Variants in FGF13 observed in about 807,000 individuals in gnomAD.
FGF13 encodes the protein fibroblast growth factor 13.
Under a neutral mutation model 19.5 loss-of-function variants are expected in FGF13, and 2 were observed. That is an observed-to-expected ratio of 0.10 (90% CI 0.04 to 0.32). FGF13 has a LOEUF of 0.32. FGF13 is among the 10% of genes least tolerant of loss of function. The pLI, the probability that FGF13 is intolerant of heterozygous loss-of-function variation, is 1.00. For synonymous variants in FGF13, 72 were observed against 76.9 expected, an observed-to-expected ratio of 0.94 and a Z score of 0.33; for missense variants, 113 against 192.7, an observed-to-expected ratio of 0.59 and a Z score of 2.45.
intron 1 of FGF13, among the ~76,000 whole-genome samples, chrX:139,101,073 A>T (rs968012872): frequency 1.1e-4 from 12 of 111,377 alleles, no homozygotes; most frequent in African/African-American, 3.9e-4. Context: ...ACTTATGCCC[A>T]TTTAAATTGA....
At chrX:139,081,861 T>C (rs1237029445) in intron 1 of FGF13, among the ~76,000 whole-genome samples, 1 of 111,472 alleles carries the variant, frequency 9.0e-6, no homozygotes, top group Non-Finnish European at 1.9e-5. Flanking sequence ...TGCCTAGATT[T>C]CTATAATAAT....
chrX:138,811,685 G>T (rs921225859), intron 3 of FGF13, among the ~76,000 whole-genome samples: 9 of 110,911 alleles, frequency 8.1e-5, no homozygotes, highest in Admixed American at 1.9e-4. Flanking sequence ...AATTAACTGT[G>T]TAGCTCTATG....
intron 3 of FGF13, among the ~76,000 whole-genome samples, chrX:138,665,083 G>A (rs1372103241): frequency 9.0e-6 from 1 of 110,714 alleles, no homozygotes; most frequent in East Asian, 2.9e-4. Flanking sequence ...TCCCTTCATA[G>A]TCTTCTACCC....
At chrX:139,138,960 C>T (rs2083821182) in intron 1 of FGF13, among the ~76,000 whole-genome samples, 1 of 97,696 alleles carries the variant, frequency 1.0e-5, no homozygotes, top group Admixed American at 1.2e-4. Context: ...ATAAGAGTCT[C>T]ACTCTGTTGC....
At chrX:138,703,739 AG>A (rs778964893) in intron 2 of FGF13, among the ~76,000 whole-genome samples, 50 of 112,276 alleles carry the variant, frequency 4.5e-4, no homozygotes, top group Middle Eastern at 4.7e-3. Flanking sequence ...TTTGAGACAG[AG>A]TTTCGCTCTT....
At chrX:138,897,676 C>T (rs2091511249) in intron 1 of FGF13, among the ~76,000 whole-genome samples, 1 of 111,516 alleles carries the variant, frequency 9.0e-6, no homozygotes, top group Non-Finnish European at 1.9e-5. Flanking sequence ...GCTGGGCACA[C>T]TTGCTGATTA....
At chrX:138,875,247 A>C (rs1602986049) in intron 1 of FGF13, among the ~76,000 whole-genome samples, 1 of 109,116 alleles carries the variant, frequency 9.2e-6, no homozygotes, top group Non-Finnish European at 1.9e-5. Context: ...AAAAAAAAAA[A>C]ACAGAAAAGA....
intron 1 of FGF13, among the ~76,000 whole-genome samples, chrX:139,128,311 C>T (rs774154644): frequency 9.0e-6 from 1 of 111,520 alleles, no homozygotes; most frequent in Non-Finnish European, 1.9e-5. Context: ...TTATTCTTTC[C>T]TAATCTCTAA....
At chrX:138,665,351 A>C (rs1335611314) in intron 3 of FGF13, among the ~76,000 whole-genome samples, 3 of 111,452 alleles carry the variant, frequency 2.7e-5, no homozygotes, top group Non-Finnish European at 5.7e-5. Flanking sequence ...TGTGTAATTA[A>C]GTTACTTTAA....
chrX:138,738,094 G>T (rs781725610), intron 1 of FGF13, among the ~76,000 whole-genome samples: 107 of 111,784 alleles, frequency 9.6e-4, no homozygotes, highest in Non-Finnish European at 1.7e-3. Flanking sequence ...ATCTCCATTT[G>T]GGGATGCTCT....
chrX:139,147,372 A>G (rs2083899686), intron 1 of FGF13, among the ~76,000 whole-genome samples: 1 of 110,721 alleles, frequency 9.0e-6, no homozygotes, highest in Admixed American at 9.6e-5. Flanking sequence ...CAAGGCCTAC[A>G]CTTAAGCCAC....
At chrX:138,948,803 A>G (rs1047244866) in intron 1 of FGF13, among the ~76,000 whole-genome samples, 1 of 112,090 alleles carries the variant, frequency 8.9e-6, no homozygotes, top group Non-Finnish European at 1.9e-5. Context: ...CTTGTTAGAT[A>G]GCACATTTTG....
chrX:138,791,909 G>A (rs1020906706), intron 3 of FGF13, among the ~76,000 whole-genome samples: 2 of 111,763 alleles, frequency 1.8e-5, no homozygotes, highest in African/African-American at 6.5e-5. Flanking sequence ...TTTAACCATA[G>A]TTAAAATGTT....
intron 1 of FGF13, among the ~76,000 whole-genome samples, chrX:138,941,131 C>T (rs1013355563): frequency 1.8e-5 from 2 of 111,294 alleles, no homozygotes; most frequent in African/African-American, 6.5e-5. Flanking sequence ...AAGCTGGAAG[C>T]ATTCCTCTTG....
chrX:138,765,217 T>C (rs775891656), intron 3 of FGF13, among the ~76,000 whole-genome samples: 2 of 112,358 alleles, frequency 1.8e-5, no homozygotes, highest in South Asian at 7.5e-4. Context: ...TAAAGTGTTT[T>C]GTAATGCAAA....
chrX:138,994,903 G>A (rs180689781), intron 1 of FGF13, among the ~76,000 whole-genome samples: 1 of 108,971 alleles, frequency 9.2e-6, no homozygotes, highest in Admixed American at 9.9e-5. Context: ...TTCAGAGAGG[G>A]GTGTAGCTAC....
At chrX:139,184,654 A>T (rs2084267911) in intron 1 of FGF13, among the ~76,000 whole-genome samples, 1 of 111,306 alleles carries the variant, frequency 9.0e-6, no homozygotes, top group Admixed American at 9.6e-5. Context: ...ACACACATAC[A>T]CACACACACA....
At chrX:139,028,047 T>C (rs1158537094) in intron 1 of FGF13, among the ~76,000 whole-genome samples, 2 of 111,577 alleles carry the variant, frequency 1.8e-5, no homozygotes, top group East Asian at 5.7e-4. Context: ...ACTAACGGTA[T>C]TTAAGCACAG....
At position 139,027,007 on chromosome X, in the gene FGF13, G is replaced by T. The variant is rs1016994355; in HGVS notation, c.-112-162357C>A. On this transcript the variant is annotated intron_variant, in intron 1 of 2. Coordinates refer to the FGF13 transcript ENST00000421460. Reference sequence around the variant, plus strand: ...CCATGGGAGTTTGTGAATAGACATAGGAGGTGAAACTGCCACATTCCTTTA... The same window carrying T: ...CCATGGGAGTTTGTGAATAGACATATGAGGTGAAACTGCCACATTCCTTTA... 4.5e-5 allele frequency among the ~76,000 whole-genome samples: 5 copies of T among 112,007 alleles called. No individual in the cohort carries two copies. The Admixed American group carries it at 4.7e-4, about 11-fold the overall frequency.
Sources: gnomAD v4.1 joint callset for allele counts (sites outside exome capture counted in the v4.1 genomes callset) on GRCh38, gnomAD v4.1.1 for gene constraint, MANE v1.5 for transcripts, NCBI Gene and HGNC (gene_info 2026-07-23, HGNC 2026-07-21) for gene names.